ANAPC7: variants seen among roughly 807,000 people sequenced by gnomAD.
ANAPC7 encodes the protein anaphase-promoting complex subunit 7.
Under a neutral mutation model 63.3 loss-of-function variants are expected in ANAPC7, and 25 were observed. The ratio of observed to expected loss-of-function variants is 0.39; its 90% CI spans 0.29 to 0.55. The LOEUF (loss-of-function observed/expected upper bound fraction) is 0.55, where lower values mean the gene tolerates loss of function less well. Among genes scored for constraint, ANAPC7 ranks in the 20% least tolerant of loss-of-function variants. The pLI is 0.57. For synonymous variants in ANAPC7, 241 were observed against 251.7 expected (o/e 0.96, Z 0.40); for missense variants, 516 against 691.7 (o/e 0.75, Z 2.85).
intron 3 of ANAPC7, among the ~76,000 whole-genome samples, chr12:110,392,862 G>A (rs1403008504): frequency 1.3e-5 from 2 of 151,906 alleles, no homozygotes; most frequent in South Asian, 2.1e-4. Context: ...ATGGCACCAC[G>A]TCGGCTCACC....
chr12:110,374,151 A>T lies in ANAPC7; in HGVS notation c.1691T>A (p.Met564Lys). ...QWADQEQWFG[M>K]Q ...CATGGAGCTGCCGCCCCCTCACTGC[A>T]TGCCGAACCACTGCTCCTGGTCAGC... The change falls in exon 11 of 11, where the codon ATG becomes AAG. Residue 564 changes from methionine to lysine, a missense_variant. By Grantham distance (95) the Met-to-Lys change is moderately conservative. Coordinates refer to ENST00000455511, the MANE Select transcript of ANAPC7 (RefSeq NM_016238.3). 1 of 1,610,718 alleles carries T rather than the reference A, an allele frequency of 6.2e-7. No individual in the cohort carries two copies. The highest frequency in any genetic ancestry group is 8.5e-7 in the Non-Finnish European group (1 of 1,179,418).
intron 10 of ANAPC7, 38 bp downstream of exon 10, chr12:110,376,028 T>C (rs1566257475): frequency 6.3e-7 from 1 of 1,586,906 alleles, no homozygotes; most frequent in South Asian, 1.1e-5. Flanking sequence ...TCCTCTACCC[T>C]CCTCAGTGGC....
At chr12:110,375,625 T>C (rs976726645) in intron 10 of ANAPC7, 1 of 812,586 alleles carries the variant, frequency 1.2e-6, no homozygotes, top group Non-Finnish European at 1.5e-6. Context: ...TGTTAGTAAC[T>C]TGCCCAAGAT....
At chr12:110,400,035 G>A (rs1330725606) in intron 1 of ANAPC7, among the ~76,000 whole-genome samples, 1 of 152,014 alleles carries the variant, frequency 6.6e-6, no homozygotes, top group Non-Finnish European at 1.5e-5. Context: ...AGGTTGCAGT[G>A]AGCCGAGATC....
At chr12:110,380,762 G>A (rs1881756664) in intron 8 of ANAPC7, among the ~76,000 whole-genome samples, 1 of 151,468 alleles carries the variant, frequency 6.6e-6, no homozygotes, top group Non-Finnish European at 1.5e-5. Flanking sequence ...AGACCATCCT[G>A]GCTAGCACGG....
intron 8 of ANAPC7, among the ~76,000 whole-genome samples, chr12:110,379,527 G>A (rs1881620176): frequency 6.6e-6 from 1 of 152,168 alleles, no homozygotes; most frequent in African/African-American, 2.4e-5. Flanking sequence ...AACAGCAGCT[G>A]GGAAGACAGG....
intron 1 of ANAPC7, among the ~76,000 whole-genome samples, chr12:110,403,043 C>T (rs1328747060): frequency 6.6e-6 from 1 of 152,186 alleles, no homozygotes; most frequent in Non-Finnish European, 1.5e-5. Context: ...CGCCCGGCCC[C>T]GTTTTCAGGG....
chr12:110,397,576 T>C (rs1212710379), intron 1 of ANAPC7, among the ~76,000 whole-genome samples: 5 of 127,888 alleles, frequency 3.9e-5, no homozygotes, highest in East Asian at 4.4e-4. Flanking sequence ...AAAAAAACAC[T>C]AAAAACTAAA....
chr12:110,396,576 T>G, intron 1 of ANAPC7, 124 bp from the exon 2 acceptor site: 1 of 709,982 alleles, frequency 1.4e-6, no homozygotes, highest in Non-Finnish European at 2.2e-6. Flanking sequence ...AGTGGCACGA[T>G]CTCGGCTCAC....
chr12:110,382,459 A>ATAT (rs1229764014), intron 7 of ANAPC7, among the ~76,000 whole-genome samples: 364 of 51,608 alleles, frequency 7.1e-3, no homozygotes, highest in Middle Eastern at 0.036. Flanking sequence ...AAAAAAAAAA[A>ATAT]AAATATATAT....
Position 110,403,507 on chromosome 12 carries a change from A to C in ANAPC7, c.101+20T>G. ...CGCCGCTTTCTCCTCAGCCCCAGGC[A>C]GCTACCCGCCTCAACTCACGGGTTG... On this transcript the variant is annotated intron_variant, in intron 1 of 10. Transcript: ENST00000455511. 1 of 1,571,162 alleles carries C rather than the reference A, an allele frequency of 6.4e-7. No homozygotes were observed. Among genetic ancestry groups the C allele is most frequent in the Non-Finnish European group, 8.6e-7 (1 of 1,158,454 alleles).
At chr12:110,394,942 T>G (rs558619667) in intron 3 of ANAPC7, among the ~76,000 whole-genome samples, 159 bp downstream of exon 3, 2 of 152,226 alleles carry the variant, frequency 1.3e-5, no homozygotes, top group East Asian at 3.9e-4. Flanking sequence ...TCAGCTGGAT[T>G]TTCAGGGTCC....
intron 1 of ANAPC7, 37 bp from the exon 2 acceptor site, chr12:110,396,489 C>G: frequency 1.3e-6 from 2 of 1,493,854 alleles, no homozygotes; most frequent in Non-Finnish European, 1.8e-6. Flanking sequence ...ATCTTTTCCT[C>G]CCTTTCAATC....
intron 1 of ANAPC7, among the ~76,000 whole-genome samples, chr12:110,398,993 T>C (rs1424613816): frequency 6.7e-6 from 1 of 150,352 alleles, no homozygotes; most frequent in African/African-American, 2.4e-5. Flanking sequence ...TAGTTGCTTA[T>C]ATGAAAGAAC....
chr12:110,394,624 A>G (rs1463133593), intron 3 of ANAPC7, among the ~76,000 whole-genome samples: 2 of 132,456 alleles, frequency 1.5e-5, no homozygotes, highest in African/African-American at 5.8e-5. Context: ...GTGAGCCCCC[A>G]TGCTATTGCA....
chr12:110,375,936 C>T, intron 10 of ANAPC7, 130 bp downstream of exon 10: 2 of 1,329,668 alleles, frequency 1.5e-6, no homozygotes, highest in East Asian at 2.7e-5. Flanking sequence ...ACTCTTCTAC[C>T]ATTACTATTA....
intron 2 of ANAPC7, among the ~76,000 whole-genome samples, 174 bp from the exon 3 acceptor site, chr12:110,395,394 A>C (rs564652550): frequency 5.3e-4 from 80 of 151,230 alleles, no homozygotes; most frequent in Non-Finnish European, 7.1e-4. Flanking sequence ...GATTTACTGC[A>C]GTCTTAGACT....
At chr12:110,379,894 T>G (rs777094203) in intron 8 of ANAPC7, among the ~76,000 whole-genome samples, 1 of 152,188 alleles carries the variant, frequency 6.6e-6, no homozygotes, top group Admixed American at 6.5e-5. Context: ...TCAATTCACA[T>G]GAACTTAAAA....
At chr12:110,396,057 G>T (rs908745921) in intron 2 of ANAPC7, among the ~76,000 whole-genome samples, 1 of 152,118 alleles carries the variant, frequency 6.6e-6, no homozygotes, top group East Asian at 1.9e-4. Context: ...GTTCACAATA[G>T]GGTTTGTGTT....
Sources: gnomAD v4.1 joint callset for allele counts (sites outside exome capture counted in the v4.1 genomes callset) on GRCh38, gnomAD v4.1.1 for gene constraint, MANE v1.5 for transcripts, NCBI Gene and HGNC (gene_info 2026-07-23, HGNC 2026-07-21) for gene names.